The following CTNNA2 variants were observed in gnomAD, a reference collection of about 807,000 sequenced individuals.
CTNNA2 encodes the protein catenin alpha 2.
A neutral mutation model predicts 101.0 loss-of-function variants in CTNNA2; 42 were observed. The observed-to-expected ratio is 0.42, with a 90% confidence interval of 0.32 to 0.54. CTNNA2 has a LOEUF of 0.54. Among genes scored for constraint, CTNNA2 ranks in the 20% least tolerant of loss-of-function variants. CTNNA2 has a pLI of 0.14. For synonymous variants in CTNNA2, 450 were observed against 456.4 expected (o/e 0.99, Z 0.18); for missense variants, 871 against 1,223.1 (o/e 0.71, Z 4.29).
chr2:79,274,636 GCTTTTCAGCTTAA>G (rs1482291001), intron 2 of CTNNA2, among the ~76,000 whole-genome samples: 1 of 151,772 alleles, frequency 6.6e-6, no homozygotes, highest in East Asian at 1.9e-4. Flanking sequence ...TATACACATA[GCTTTTCAGCTTAA>G]CTTTTAAAAC....
At chr2:79,856,241 A>T (rs1681125496) in intron 3 of CTNNA2, among the ~76,000 whole-genome samples, 1 of 152,252 alleles carries the variant, frequency 6.6e-6, no homozygotes, top group Admixed American at 6.5e-5. Flanking sequence ...TTCCTTACAC[A>T]CCCACATTCC....
Position 79,401,436 on chromosome 2 carries a change from A to G in CTNNA2, c.-135+27423A>G, listed in dbSNP as rs140063395. Among the ~76,000 whole-genome samples, 934 of 151,900 alleles carry G rather than the reference A, an allele frequency of 6.1e-3. 5 individuals are homozygous for G. Among genetic ancestry groups the G allele is most frequent in the African/African-American group, 0.021 (889 of 41,540 alleles). Reference sequence around the variant, plus strand: ...GTAAAAGGGCTTATAATGCATAAAGATGTATTTTGGATGCAAATAGCACAA... The same window carrying G: ...GTAAAAGGGCTTATAATGCATAAAGGTGTATTTTGGATGCAAATAGCACAA... On this transcript the variant is annotated intron_variant, in intron 4 of 21. Transcript: ENST00000466387.
chr2:79,692,457 T>A (rs1456493387), intron 2 of CTNNA2, among the ~76,000 whole-genome samples: 1 of 152,134 alleles, frequency 6.6e-6, no homozygotes, highest in Non-Finnish European at 1.5e-5. Flanking sequence ...TGGAAGACAG[T>A]GTGGCATATC....
intron 7 of CTNNA2, among the ~76,000 whole-genome samples, chr2:80,326,910 C>T (rs937387262): frequency 1.2e-4 from 18 of 152,082 alleles, no homozygotes; most frequent in African/African-American, 4.3e-4. Context: ...CACACTTTTT[C>T]TCAGTTGTCA....
intron 7 of CTNNA2, among the ~76,000 whole-genome samples, chr2:80,228,856 C>T (rs1709041106): frequency 6.6e-6 from 1 of 152,172 alleles, no homozygotes; most frequent in Non-Finnish European, 1.5e-5. Context: ...GAATATATTA[C>T]TTCACTCTTC....
intron 7 of CTNNA2, among the ~76,000 whole-genome samples, chr2:79,958,332 C>T (rs536651786): frequency 6.8e-6 from 1 of 147,824 alleles, no homozygotes; most frequent in Admixed American, 6.8e-5. Flanking sequence ...AGAAATCTTC[C>T]ATGGTTAAAG....
chr2:80,282,574 T>A (rs1479498806), intron 7 of CTNNA2, among the ~76,000 whole-genome samples: 2 of 152,192 alleles, frequency 1.3e-5, no homozygotes, highest in Non-Finnish European at 2.9e-5. Context: ...TTACTACATC[T>A]AAACCACTGC....
intron 2 of CTNNA2, among the ~76,000 whole-genome samples, chr2:79,726,341 G>C (rs1352313557): frequency 6.6e-6 from 1 of 152,136 alleles, no homozygotes; most frequent in Non-Finnish European, 1.5e-5. Context: ...CCCAACCCCG[G>C]GGTCATGGAC....
rs367758452 is a variant in CTNNA2, at chr2:80,009,756, G to GTGTGTGTGTGTGTC, written c.1056+99959_1056+99960insTGTGTGTGTGTGTC. On this transcript the variant is annotated intron_variant, in intron 7 of 18. Transcript: ENST00000402739. ...TGTGTGTGTGTGTGTGTGTGTCAGA[G>GTGTGTGTGTGTGTC]AGAGAGACAGAGAGAGACAGAGATT... Among the ~76,000 whole-genome samples, 604 of 148,210 alleles carry GTGTGTGTGTGTGTC rather than the reference G, an allele frequency of 4.1e-3. 6 individuals are homozygous for GTGTGTGTGTGTGTC. The highest frequency in any genetic ancestry group is 0.026 in the East Asian group (128 of 4,864).
intron 2 of CTNNA2, among the ~76,000 whole-genome samples, chr2:79,231,255 T>TG (rs1238260575): frequency 1.3e-5 from 2 of 152,126 alleles, no homozygotes; most frequent in African/African-American, 4.8e-5. Flanking sequence ...AGAGACCCAG[T>TG]GGGGGGTAAC....
intron 3 of CTNNA2, among the ~76,000 whole-genome samples, chr2:79,315,180 C>A (rs566242367): frequency 6.6e-6 from 1 of 151,956 alleles, no homozygotes; most frequent in Non-Finnish European, 1.5e-5. Flanking sequence ...TAAGTTGGCC[C>A]CACCATTCTT....
intron 4 of CTNNA2, among the ~76,000 whole-genome samples, chr2:79,479,213 C>T (rs775707830): frequency 6.6e-6 from 1 of 152,120 alleles, no homozygotes; most frequent in African/African-American, 2.4e-5. Context: ...GTTTTTGATG[C>T]TCATTAATCC....
intron 4 of CTNNA2, among the ~76,000 whole-genome samples, chr2:79,452,573 C>T (rs1293376179): frequency 1.3e-5 from 2 of 152,084 alleles, no homozygotes; most frequent in Middle Eastern, 3.4e-3. Context: ...ATATCGTTAG[C>T]TCCACTTTCC....
chr2:80,312,016 T>C (rs2149229153), intron 7 of CTNNA2, among the ~76,000 whole-genome samples: 1 of 152,336 alleles, frequency 6.6e-6, no homozygotes, highest in South Asian at 2.1e-4. Flanking sequence ...CAACTACAGT[T>C]CTTCTACTTG....
chr2:80,076,422 A>G (rs1478579312), intron 7 of CTNNA2, among the ~76,000 whole-genome samples: 2 of 151,676 alleles, frequency 1.3e-5, no homozygotes, highest in Non-Finnish European at 2.9e-5. Flanking sequence ...GGGACCACAG[A>G]TATGTGCCAC....
intron 7 of CTNNA2, among the ~76,000 whole-genome samples, chr2:80,326,991 T>C (rs946250209): frequency 6.6e-6 from 1 of 152,188 alleles, no homozygotes; most frequent in Non-Finnish European, 1.5e-5. Flanking sequence ...GGTGTGTTCC[T>C]AAGGCACTAC....
intron 7 of CTNNA2, among the ~76,000 whole-genome samples, chr2:80,242,634 C>G (rs6738640): frequency 6.6e-6 from 1 of 152,086 alleles, no homozygotes; most frequent in Non-Finnish European, 1.5e-5. Flanking sequence ...CAGCAGGAAA[C>G]GTTTACATCT....
chr2:79,867,414 T>G (rs1682213219), intron 4 of CTNNA2, among the ~76,000 whole-genome samples: 1 of 152,046 alleles, frequency 6.6e-6, no homozygotes, highest in Non-Finnish European at 1.5e-5. Flanking sequence ...CATCCATCCA[T>G]CTCCATCTCT....
At chr2:80,035,545 A>G (rs569115502) in intron 7 of CTNNA2, among the ~76,000 whole-genome samples, 4 of 152,310 alleles carry the variant, frequency 2.6e-5, no homozygotes, top group African/African-American at 9.6e-5. Flanking sequence ...TAGTTCACCC[A>G]GTGTATTTGT....
Sources: allele counts gnomAD v4.1 joint callset (sites outside exome capture counted in the v4.1 genomes callset), GRCh38; gene constraint gnomAD v4.1.1; transcripts MANE v1.5; gene names NCBI Gene and HGNC (gene_info 2026-07-23, HGNC 2026-07-21).